The following NAALADL2 variants were observed in gnomAD, a reference collection of about 807,000 sequenced individuals.
The protein encoded by NAALADL2 is N-acetylated alpha-linked acidic dipeptidase like 2.
Under a neutral mutation model 87.2 loss-of-function variants are expected in NAALADL2, and 76 were observed. That is an observed-to-expected ratio of 0.87 (90% CI 0.72 to 1.05). The LOEUF (loss-of-function observed/expected upper bound fraction) is 1.05. NAALADL2 is among the 50% of genes least tolerant of loss of function. The pLI, the probability that NAALADL2 is intolerant of heterozygous loss-of-function variation, is 0.00. For missense variants in NAALADL2, 1,089 were observed against 945.8 expected, an observed-to-expected ratio of 1.15 and a Z score of -1.99; for synonymous variants, 354 against 331.0, an observed-to-expected ratio of 1.07 and a Z score of -0.75.
At chr3:175,497,634 C>T (rs1265976644) in intron 9 of NAALADL2, among the ~76,000 whole-genome samples, 1 of 152,032 alleles carries the variant, frequency 6.6e-6, no homozygotes, top group Admixed American at 6.6e-5. Flanking sequence ...AATCTAAATT[C>T]TCAAGGTCGG....
intron 1 of NAALADL2, among the ~76,000 whole-genome samples, chr3:174,996,461 C>T (rs1747476358): frequency 6.6e-6 from 1 of 150,908 alleles, no homozygotes; most frequent in Admixed American, 6.6e-5. Flanking sequence ...CATGCAACTG[C>T]ACTCCAGCCT....
chr3:175,385,651 A>T (rs975658856), intron 5 of NAALADL2, among the ~76,000 whole-genome samples: 1 of 152,170 alleles, frequency 6.6e-6, no homozygotes, highest in Non-Finnish European at 1.5e-5. Flanking sequence ...GCATAAAGAA[A>T]AGATAAATAT....
chr3:174,931,886 G>T (rs10936818), intron 1 of NAALADL2, among the ~76,000 whole-genome samples: 40,153 of 152,094 alleles, frequency 0.26, 5,644 homozygotes, highest in East Asian at 0.46. Flanking sequence ...TGATGGCTTG[G>T]TATCTGTTTT....
At chr3:175,287,109 T>C (rs1040584100) in intron 4 of NAALADL2, among the ~76,000 whole-genome samples, 8 of 151,978 alleles carry the variant, frequency 5.3e-5, no homozygotes, top group Admixed American at 2.0e-4. Context: ...CAAAACAAAA[T>C]AAAACAACAA....
chr3:174,932,139 C>T (rs528051375), intron 1 of NAALADL2, among the ~76,000 whole-genome samples: 33 of 152,266 alleles, frequency 2.2e-4, no homozygotes, highest in African/African-American at 2.6e-4. Context: ...GCATGTGGTG[C>T]GGCTTGCAGT....
intron 11 of NAALADL2, among the ~76,000 whole-genome samples, chr3:175,699,366 G>A (rs1428583477): frequency 6.6e-6 from 1 of 151,926 alleles, no homozygotes; most frequent in African/African-American, 2.4e-5. Flanking sequence ...TAAGAATAAA[G>A]AACTATGCTG....
At chr3:175,723,465 G>T (rs906806060) in intron 11 of NAALADL2, among the ~76,000 whole-genome samples, 4 of 152,016 alleles carry the variant, frequency 2.6e-5, no homozygotes, top group Admixed American at 2.6e-4. Context: ...TATACTTTTT[G>T]GTGATGGTGG....
intron 2 of NAALADL2, among the ~76,000 whole-genome samples, chr3:175,204,657 A>G (rs1200361419): frequency 6.7e-6 from 1 of 149,126 alleles, no homozygotes. Flanking sequence ...TCAAACTGTC[A>G]GTGTTTGCTG....
At chr3:175,029,347 T>C (rs567944828) in intron 1 of NAALADL2, among the ~76,000 whole-genome samples, 1 of 152,138 alleles carries the variant, frequency 6.6e-6, no homozygotes, top group South Asian at 2.1e-4. Flanking sequence ...AGATGTGTGA[T>C]TGTAATTTAA....
In NAALADL2 at chr3:174,500,053, G is replaced by GA. The variant is rs1355550217; in HGVS notation, c.-183-50510dup. On this transcript the variant is annotated intron_variant, in intron 1 of 3. Coordinates refer to the NAALADL2 transcript ENST00000434257. ...AATGCTATTGAGTCTTCTGACCCTT[G>GA]AAAAAAGGTGTGCCTCTCTGTTTAC... 2.0e-5 allele frequency among the ~76,000 whole-genome samples: 3 copies of GA among 151,782 alleles called. No homozygotes were observed. In the East Asian group the frequency reaches 5.8e-4, roughly 29 times the overall value.
At chr3:175,088,772 G>A (rs867360598) in intron 1 of NAALADL2, among the ~76,000 whole-genome samples, 2 of 152,172 alleles carry the variant, frequency 1.3e-5, no homozygotes, top group African/African-American at 4.8e-5. Flanking sequence ...AAATTGCAGT[G>A]TATCTATCAA....
rs1035571807 is a variant in NAALADL2, at chr3:174,531,064, G to A, written c.-183-19505G>A. Among the ~76,000 whole-genome samples, 3 of 152,112 alleles carry A rather than the reference G, an allele frequency of 2.0e-5. No individual in the cohort carries two copies. The East Asian group carries it at 5.8e-4, about 29-fold the overall frequency. ...TTAAAGCATTAGGACAAATATACAA[G>A]CTATAATGAACATCATCTAGTTAGC... On this transcript the variant is annotated intron_variant, in intron 1 of 3. Coordinates refer to the NAALADL2 transcript ENST00000434257.
chr3:174,755,153 T>A (rs1711868302), intron 3 of NAALADL2, among the ~76,000 whole-genome samples: 1 of 152,204 alleles, frequency 6.6e-6, no homozygotes, highest in Non-Finnish European at 1.5e-5. Context: ...GATGTATTTA[T>A]AAGTGTTTGG....
rs1258478204 is a variant in NAALADL2, at chr3:175,463,512, T to G, written c.1327+19T>G. On this transcript the variant is annotated intron_variant, in intron 7 of 13. Transcript: ENST00000454872. ...TCTCCAGGTAAGTAGGGTTGAAAAT[T>G]TATAATCTACACTTTATATGAAACT... The G allele has an allele frequency of 6.0e-6, 8 of 1,334,666 alleles. No individual in the cohort carries two copies. Among genetic ancestry groups the G allele is most frequent in the African/African-American group, 1.5e-5 (1 of 68,656 alleles). 82.7% of individuals were successfully genotyped at this position (1,334,666 alleles called of 1,614,324 possible). A position where few individuals can be genotyped will look rare whatever the true frequency, so the allele number is the denominator to read the frequency against.
At chr3:175,499,685 A>G (rs1024036526) in intron 9 of NAALADL2, among the ~76,000 whole-genome samples, 1 of 152,112 alleles carries the variant, frequency 6.6e-6, no homozygotes, top group African/African-American at 2.4e-5. Context: ...ATCTGTTTCC[A>G]GTTGGACAGA....
chr3:174,485,453 C>T (rs1203142601), intron 1 of NAALADL2, among the ~76,000 whole-genome samples: 1 of 151,860 alleles, frequency 6.6e-6, no homozygotes, highest in African/African-American at 2.4e-5. Flanking sequence ...CCACCCACCC[C>T]CCTCTCTCTG....
chr3:175,049,200 C>G (rs1755054404), intron 1 of NAALADL2, among the ~76,000 whole-genome samples: 1 of 151,902 alleles, frequency 6.6e-6, no homozygotes, highest in Non-Finnish European at 1.5e-5. Flanking sequence ...AGTATTGGAA[C>G]AAATGATATT....
chr3:174,716,371 A>C (rs1731189731), intron 2 of NAALADL2, among the ~76,000 whole-genome samples: 1 of 152,096 alleles, frequency 6.6e-6, no homozygotes. Context: ...TCCACCAAAG[A>C]GGGCTAGTCT....
At chr3:175,498,019 A>G (rs540019513) in intron 9 of NAALADL2, among the ~76,000 whole-genome samples, 1 of 152,250 alleles carries the variant, frequency 6.6e-6, no homozygotes, top group South Asian at 2.1e-4. Flanking sequence ...TTTCAAGCAG[A>G]AATTCAGTAG....
Sources: allele counts gnomAD v4.1 joint callset (sites outside exome capture counted in the v4.1 genomes callset), GRCh38; gene constraint gnomAD v4.1.1; transcripts MANE v1.5; gene names NCBI Gene and HGNC (gene_info 2026-07-23, HGNC 2026-07-21).